CDADC1: variants seen among roughly 807,000 people sequenced by gnomAD.
CDADC1 encodes dCTP deaminase.
A neutral mutation model predicts 54.9 loss-of-function variants in CDADC1; 39 were observed. The ratio of observed to expected loss-of-function variants is 0.71; its 90% CI spans 0.55 to 0.93. The LOEUF is 0.93. Among genes scored for constraint, CDADC1 ranks in the 40% least tolerant of loss-of-function variants. The pLI is 0.00. For synonymous variants in CDADC1, 186 were observed against 204.0 expected, an observed-to-expected ratio of 0.91 and a Z score of 0.75; for missense variants, 518 against 618.8, an observed-to-expected ratio of 0.84 and a Z score of 1.73.
intron 2 of CDADC1, 90 bp downstream of exon 2, chr13:49,249,055 A>C: frequency 1.3e-6 from 1 of 784,378 alleles, no homozygotes; most frequent in South Asian, 1.4e-5. Flanking sequence ...CCTAAAACCA[A>C]ACTTAACAAG....
chr13:49,280,827 A>ATT (rs1046428306), intron 8 of CDADC1, 129 bp downstream of exon 8: 4 of 219,772 alleles, frequency 1.8e-5, no homozygotes, highest in African/African-American at 9.5e-5. Context: ...TATTATTATT[A>ATT]TTATTATTTT....
Position 49,292,099 on chromosome 13 carries a change from G to A in CDADC1, c.*342G>A. On this transcript the variant is annotated 3_prime_UTR_variant, in exon 10 of 10. Transcript: ENST00000251108. ...CTGCTTCACAAGAGGTCATGCCTCT[G>A]CAGGGAATCACACACCTTTTGAGAA... is the stretch of plus-strand genomic sequence containing the variant. The A allele has an allele frequency of 9.5e-7, 1 of 1,052,922 alleles. No individual in the cohort carries two copies. The highest frequency in any genetic ancestry group is 1.1e-6 in the Non-Finnish European group (1 of 870,848). The allele number at this position is 1,052,922 out of a possible 1,614,324, so 65.2% of individuals were successfully genotyped here. A position where few individuals can be genotyped will look rare whatever the true frequency, so the allele number is the denominator to read the frequency against.
intron 3 of CDADC1, among the ~76,000 whole-genome samples, chr13:49,258,393 GA>G (rs1333494327): frequency 6.6e-6 from 1 of 152,112 alleles, no homozygotes; most frequent in Non-Finnish European, 1.5e-5. Flanking sequence ...CTTTTGCTGT[GA>G]AAACAGCATA....
At chr13:49,279,046 A>G (rs1191346467) in intron 7 of CDADC1, among the ~76,000 whole-genome samples, 5 of 152,198 alleles carry the variant, frequency 3.3e-5, no homozygotes, top group Non-Finnish European at 7.3e-5. Flanking sequence ...AATGGCCTGC[A>G]GTATTCAGAA....
intron 5 of CDADC1, among the ~76,000 whole-genome samples, chr13:49,273,121 G>T (rs377000703): frequency 6.6e-6 from 1 of 152,174 alleles, no homozygotes. Flanking sequence ...TTTTATTAGA[G>T]TATCATAACT....
chr13:49,257,575 C>G (rs971810696), intron 3 of CDADC1, among the ~76,000 whole-genome samples: 3 of 152,174 alleles, frequency 2.0e-5, no homozygotes, highest in Admixed American at 6.5e-5. Flanking sequence ...TCGAGACCAT[C>G]CTGGCTAACA....
At chr13:49,263,856 T>G (rs1285451378) in intron 4 of CDADC1, among the ~76,000 whole-genome samples, 1 of 152,180 alleles carries the variant, frequency 6.6e-6, no homozygotes, top group African/African-American at 2.4e-5. Context: ...TCCAACCAAT[T>G]TCAGTTCTCT....
chr13:49,292,006 C>T lies in CDADC1; in HGVS notation c.*249C>T, dbSNP rs1953720749. 1 of 1,228,756 alleles carries T rather than the reference C, an allele frequency of 8.1e-7. No homozygotes were observed. Among genetic ancestry groups the T allele is most frequent in the Admixed American group, 4.1e-5 (1 of 24,622 alleles). The allele number at this position is 1,228,756 out of a possible 1,614,324, so 76.1% of individuals were successfully genotyped here. ...CGAAATGAGGGAGCAATAACTTCAACCAATGTAATCACCAACAGGGACTGA... is the reference window on the plus strand; with the variant it reads ...CGAAATGAGGGAGCAATAACTTCAATCAATGTAATCACCAACAGGGACTGA... On this transcript the variant is annotated 3_prime_UTR_variant, in exon 10 of 10. Coordinates refer to ENST00000251108, the MANE Select transcript of CDADC1 (RefSeq NM_030911.4).
At chr13:49,275,712 TATATATATATATATAGAGAGAGAGAG>T (rs1953094297) in intron 6 of CDADC1, among the ~76,000 whole-genome samples, 26 of 89,936 alleles carry the variant, frequency 2.9e-4, no homozygotes, top group Admixed American at 4.3e-4. Flanking sequence ...TATATATATA[TATATATATATATATAGAGAGAGAGAG>T]AGAGAGAGAG....
chr13:49,259,379 A>G lies in CDADC1; in HGVS notation c.286A>G (p.Met96Val), dbSNP rs775747848. 7 of 1,613,156 alleles carry G rather than the reference A, an allele frequency of 4.3e-6. No individual in the cohort carries two copies. Among genetic ancestry groups the G allele is most frequent in the Non-Finnish European group, 5.1e-6 (6 of 1,179,338 alleles). The change falls in exon 4 of 10, where the codon ATG (methionine) becomes GTG (valine). Residue 96 changes from methionine to valine, a missense_variant. Transcript: ENST00000251108. ...AACTGGTCTTGTGGTGGTGAAAAAC[A>G]TGAAAATTGTTGGTCTCCACTGTTC... is the stretch of plus-strand genomic sequence containing the variant. ...KRTGLVVVKNMKIVGLHCSSE... is the reference protein window; with the variant it reads ...KRTGLVVVKNVKIVGLHCSSE...
At chr13:49,262,866 T>TG (rs1198874095) in intron 4 of CDADC1, among the ~76,000 whole-genome samples, 1 of 152,136 alleles carries the variant, frequency 6.6e-6, no homozygotes, top group Non-Finnish European at 1.5e-5. Flanking sequence ...CAAACTGCCC[T>TG]GGTAGTCGTC....
Position 49,280,710 on chromosome 13 carries a change from C to T in CDADC1, c.1410+12C>T. 2.0e-6 allele frequency: 3 copies of T among 1,537,618 alleles called. No homozygotes were observed. Among genetic ancestry groups the T allele is most frequent in the Non-Finnish European group, 2.6e-6 (3 of 1,141,786 alleles). ...TTAGCAAATTTACGGTAAGTAGATACACATTTTTTTCAGGTGTATTTTGTA... is the reference window on the plus strand; with the variant it reads ...TTAGCAAATTTACGGTAAGTAGATATACATTTTTTTCAGGTGTATTTTGTA... On this transcript the variant is annotated intron_variant, in intron 8 of 9. Coordinates refer to ENST00000251108, the MANE Select transcript of CDADC1 (RefSeq NM_030911.4).
chr13:49,256,110 GCTACATC>G (rs2138198334), intron 3 of CDADC1, among the ~76,000 whole-genome samples, 197 bp downstream of exon 3: 1 of 146,714 alleles, frequency 6.8e-6, no homozygotes, highest in East Asian at 2.0e-4. Context: ...ATTATTCTAT[GCTACATC>G]CTACATCTTG....
At chr13:49,254,293 G>A (rs192581829) in intron 2 of CDADC1, among the ~76,000 whole-genome samples, 38 of 152,046 alleles carry the variant, frequency 2.5e-4, no homozygotes, top group African/African-American at 8.9e-4. Flanking sequence ...TCTTTTTGAT[G>A]GTTCTTTCTT....
intron 8 of CDADC1, among the ~76,000 whole-genome samples, chr13:49,282,157 G>A (rs985095198): frequency 4.0e-5 from 6 of 149,852 alleles, no homozygotes; most frequent in Non-Finnish European, 8.9e-5. Flanking sequence ...TTCCAAAAAT[G>A]TACTGAGGTA....
At chr13:49,259,574 G>A in intron 4 of CDADC1, 51 bp downstream of exon 4, 1 of 1,560,944 alleles carries the variant, frequency 6.4e-7, no homozygotes, top group Non-Finnish European at 8.8e-7. Flanking sequence ...ATCTGGGATG[G>A]GCGTGGTGGT....
intron 4 of CDADC1, chr13:49,266,069 T>C (rs1337987554): frequency 1.6e-5 from 8 of 499,580 alleles, no homozygotes; most frequent in African/African-American, 1.0e-4. Context: ...AGGGAGTGGA[T>C]AGAATGTTTA....
rs781396977 is a variant in CDADC1 at position 49,292,346 on chromosome 13, T to C, written c.*589T>C. 2.0e-6 allele frequency: 2 copies of C among 987,372 alleles called. No individual in the cohort carries two copies. Among genetic ancestry groups the C allele is most frequent in the Non-Finnish European group, 2.4e-6 (2 of 830,164 alleles). 61.2% of individuals were successfully genotyped at this position (987,372 alleles called of 1,614,324 possible). On this transcript the variant is annotated 3_prime_UTR_variant, in exon 10 of 10. Coordinates refer to ENST00000251108, the MANE Select transcript of CDADC1 (RefSeq NM_030911.4). ...TATTTTGTAAATGTTAATTCTGTGG[T>C]CCTGTTTATCACAGACTTTGGGTAG...
At chr13:49,249,062 C>G (rs926713552) in intron 2 of CDADC1, 97 bp downstream of exon 2, 26 of 749,052 alleles carry the variant, frequency 3.5e-5, no homozygotes, top group Non-Finnish European at 5.7e-5. Flanking sequence ...CCAAACTTAA[C>G]AAGGCTTAAG....
Sources: allele counts gnomAD v4.1 joint callset (sites outside exome capture counted in the v4.1 genomes callset), GRCh38; gene constraint gnomAD v4.1.1; transcripts MANE v1.5; gene names NCBI Gene and HGNC (gene_info 2026-07-23, HGNC 2026-07-21).